RTF1: variants seen among roughly 807,000 people sequenced by gnomAD.
RTF1 encodes the protein RNA polymerase-associated protein RTF1 homolog.
In RTF1, 10 loss-of-function variants were observed where a neutral mutation model predicts 95.7. The observed-to-expected ratio is 0.10, with a 90% CI of 0.06 to 0.18. The LOEUF is 0.18. Ranked by LOEUF, RTF1 falls within the 10% of genes least tolerant of loss-of-function variation. The pLI is 1.00. For synonymous variants in RTF1, 305 were observed against 311.8 expected (o/e 0.98, Z 0.23); for missense variants, 458 against 875.6 (o/e 0.52, Z 6.02).
rs1439967150 is a variant in RTF1 at position 41,471,208 on chromosome 15, C to T, written c.1062C>T (p.Ser354=). The change falls in exon 8 of 18, where the codon TCC becomes TCT. Residue 354 remains serine, a synonymous_variant. Coordinates refer to ENST00000389629, the MANE Select transcript of RTF1 (RefSeq NM_015138.5). ...EEIPPKSQPV[S]LPEELNRVRL... is the part of the protein sequence containing the mutation. ...TCCCTCCCAAATCCCAACCAGTTTC[C>T]TTACCTGAAGAATTGAATCGGGTTC... 6.2e-7 allele frequency: 1 copy of T among 1,612,910 alleles called. No homozygotes were observed. The highest frequency in any genetic ancestry group is 8.5e-7 in the Non-Finnish European group (1 of 1,179,670).
chr15:41,469,071 C>T (rs1402750676), intron 6 of RTF1, among the ~76,000 whole-genome samples: 2 of 151,952 alleles, frequency 1.3e-5, no homozygotes, highest in South Asian at 2.1e-4. Context: ...CGGGTTCAAG[C>T]GATTCTCCCA....
intron 8 of RTF1, among the ~76,000 whole-genome samples, chr15:41,472,764 C>T (rs902572349): frequency 1.3e-5 from 2 of 151,252 alleles, no homozygotes; most frequent in Non-Finnish European, 2.9e-5. Flanking sequence ...TTCAGTGGCA[C>T]GATCTCGGCT....
intron 4 of RTF1, among the ~76,000 whole-genome samples, chr15:41,464,254 CTCTT>C (rs2050868767): frequency 6.7e-6 from 1 of 149,254 alleles, no homozygotes; most frequent in Non-Finnish European, 1.5e-5. Context: ...CTCTTTCTCT[CTCTT>C]TTTTTTTTTT....
At chr15:41,435,385 T>G (rs1248490831) in intron 1 of RTF1, among the ~76,000 whole-genome samples, 1 of 151,904 alleles carries the variant, frequency 6.6e-6, no homozygotes, top group African/African-American at 2.4e-5. Flanking sequence ...TTTGTTTTTT[T>G]TTTTATAGAG....
intron 2 of RTF1, among the ~76,000 whole-genome samples, chr15:41,441,161 C>A (rs779157029): frequency 2.6e-4 from 39 of 151,782 alleles, no homozygotes; most frequent in African/African-American, 8.7e-4. Flanking sequence ...TTAGTAGAGA[C>A]GGGGTTTCAC....
At chr15:41,465,100 T>C (rs1595437265) in intron 5 of RTF1, among the ~76,000 whole-genome samples, 4 of 152,174 alleles carry the variant, frequency 2.6e-5, no homozygotes, top group Admixed American at 2.6e-4. Context: ...TTTTTCCTTT[T>C]CTTTTTTCTT....
intron 8 of RTF1, 83 bp downstream of exon 8, chr15:41,471,432 G>A (rs114847037): frequency 2.9e-6 from 4 of 1,376,410 alleles, no homozygotes; most frequent in African/African-American, 1.4e-5. Flanking sequence ...TGAAAAAATC[G>A]ATCACTCTTC....
intron 1 of RTF1, among the ~76,000 whole-genome samples, chr15:41,422,972 C>A (rs2050610219): frequency 6.6e-6 from 1 of 152,142 alleles, no homozygotes; most frequent in South Asian, 2.1e-4. Context: ...CGGGGTTTCA[C>A]CATCTTGGCC....
In RTF1 at chr15:41,426,781, A is replaced by ATGTGTGTGTG. The variant is rs58073154; in HGVS notation, c.198+9504_198+9513dup. Among the ~76,000 whole-genome samples, 667 of 78,430 alleles carry ATGTGTGTGTG rather than the reference A, an allele frequency of 8.5e-3. 1 individual carries two copies. Among genetic ancestry groups the ATGTGTGTGTG allele is most frequent in the Middle Eastern group, 0.02 (3 of 150 alleles). The allele number at this position is 78,430 out of a possible 152,430, so 51.5% of individuals were successfully genotyped here. A position where few individuals can be genotyped will look rare whatever the true frequency, so the allele number is the denominator to read the frequency against. ...TACTGTGCCCAGCCGCTACATATAT[A>ATGTGTGTGTG]TGTGTGTGTGTGTGTGTGTGTGTGT... On this transcript the variant is annotated intron_variant, in intron 1 of 17. Coordinates refer to ENST00000389629, the MANE Select transcript of RTF1 (RefSeq NM_015138.5).
intron 6 of RTF1, among the ~76,000 whole-genome samples, chr15:41,468,925 G>C (rs2050895461): frequency 6.6e-6 from 1 of 152,070 alleles, no homozygotes; most frequent in Non-Finnish European, 1.5e-5. Context: ...TGCTTTATGT[G>C]TTTTAATCCA....
At chr15:41,472,811 C>T (rs1386441136) in intron 8 of RTF1, among the ~76,000 whole-genome samples, 1 of 151,904 alleles carries the variant, frequency 6.6e-6, no homozygotes, top group African/African-American at 2.4e-5. Context: ...ACGCCATTCT[C>T]CTGTCTCAGC....
At chr15:41,463,310 C>A (rs2050860985) in intron 4 of RTF1, among the ~76,000 whole-genome samples, 1 of 152,088 alleles carries the variant, frequency 6.6e-6, no homozygotes, top group African/African-American at 2.4e-5. Flanking sequence ...AATTTGAGTA[C>A]CTATTTTCAG....
chr15:41,472,621 C>T (rs914499501), intron 8 of RTF1, among the ~76,000 whole-genome samples: 3 of 151,744 alleles, frequency 2.0e-5, no homozygotes, highest in Admixed American at 6.6e-5. Context: ...TGGGTTCAAG[C>T]GATTCTCATG....
chr15:41,426,808 TGTGTGTG>T (rs2050635018), intron 1 of RTF1, among the ~76,000 whole-genome samples: 2 of 139,634 alleles, frequency 1.4e-5, no homozygotes, highest in African/African-American at 5.2e-5. Context: ...TGTGTGTGTG[TGTGTGTG>T]TGTGTGTGTG....
chr15:41,480,923 T>G lies in RTF1; in HGVS notation c.*236T>G. 1.9e-6 allele frequency: 1 copy of G among 537,844 alleles called. No homozygotes were observed. The highest frequency in any genetic ancestry group is 3.3e-6 in the Non-Finnish European group (1 of 299,504). 33.3% of individuals were successfully genotyped at this position (537,844 alleles called of 1,614,324 possible). On this transcript the variant is annotated 3_prime_UTR_variant, in exon 18 of 18. Transcript: ENST00000389629. ...CCACCCAGTGTGGGCCTGGGCTCTC[T>G]TGGGCTTTATCCATGTCTTTAGATT...
intron 2 of RTF1, among the ~76,000 whole-genome samples, chr15:41,446,435 G>A (rs1008756243): frequency 2.6e-5 from 4 of 151,934 alleles, no homozygotes; most frequent in Non-Finnish European, 5.9e-5. Context: ...GCGTGGTGGC[G>A]CACGCCTGTA....
At chr15:41,476,595 G>C (rs2050942935) in intron 12 of RTF1, 72 bp downstream of exon 12, 1 of 1,370,476 alleles carries the variant, frequency 7.3e-7, no homozygotes, top group Non-Finnish European at 1.0e-6. Context: ...TTCATCCTCT[G>C]CCAAGTTAGT....
rs183632483 is a variant in RTF1 at position 41,427,995 on chromosome 15, T to C, written c.199-10326T>C. On this transcript the variant is annotated intron_variant, in intron 1 of 17. Transcript: ENST00000389629. The stretch of plus-strand genomic sequence containing the variant: ...AGAGACGGGGTTTCACCATGCTGGC[T>C]AGGCTGGTCTTGATCTCCTGACCTC... 2.5e-3 allele frequency among the ~76,000 whole-genome samples: 372 copies of C among 151,782 alleles called. 1 individual carries two copies. The highest frequency in any genetic ancestry group is 8.5e-3 in the African/African-American group (353 of 41,420).
intron 1 of RTF1, among the ~76,000 whole-genome samples, chr15:41,429,702 G>A (rs1003414123): frequency 1.3e-5 from 2 of 151,940 alleles, no homozygotes; most frequent in African/African-American, 4.8e-5. Context: ...CAGCTTCAGG[G>A]CCTTAGCTGT....
Sources: gnomAD v4.1 joint callset for allele counts (sites outside exome capture counted in the v4.1 genomes callset) on GRCh38, gnomAD v4.1.1 for gene constraint, MANE v1.5 for transcripts, NCBI Gene and HGNC (gene_info 2026-07-23, HGNC 2026-07-21) for gene names.